Variants in CFAP47 observed in about 807,000 individuals in gnomAD.
CFAP47 encodes the protein cilia and flagella associated protein 47.
In CFAP47, 29 loss-of-function variants were observed where a neutral mutation model predicts 148.1. The observed-to-expected ratio is 0.20, with a 90% CI of 0.15 to 0.27. The LOEUF (loss-of-function observed/expected upper bound fraction) is 0.27. Among genes scored for constraint, CFAP47 ranks in the 10% least tolerant of loss-of-function variants. CFAP47 has a pLI of 1.00. For missense variants in CFAP47, 1,872 were observed against 1,697.5 expected (o/e 1.10, Z -1.81); for synonymous variants, 664 against 577.3 (o/e 1.15, Z -2.15).
At chrX:36,177,774 G>T (rs1939703482) in intron 39 of CFAP47, among the ~76,000 whole-genome samples, 1 of 112,252 alleles carries the variant, frequency 8.9e-6, no homozygotes, top group East Asian at 2.8e-4. Context: ...GCAGTTTGGA[G>T]ATTTCTCAAA....
intron 29 of CFAP47, among the ~76,000 whole-genome samples, chrX:36,075,199 A>ATTTT (rs1227421507): frequency 2.8e-4 from 30 of 105,626 alleles, no homozygotes; most frequent in East Asian, 8.9e-4. Context: ...TATATGTATT[A>ATTTT]TTTTTATTTA....
chrX:36,117,559 A>C (rs1345312908), intron 33 of CFAP47, among the ~76,000 whole-genome samples: 1 of 112,113 alleles, frequency 8.9e-6, no homozygotes, highest in African/African-American at 3.2e-5. Flanking sequence ...AGAAATGCCT[A>C]TTCAAACCTT....
In CFAP47 at chrX:35,966,670, G is replaced by T; in HGVS notation, c.1516G>T (p.Val506Leu). 1 of 1,180,398 alleles carries T rather than the reference G, an allele frequency of 8.5e-7. No homozygotes were observed. Among genetic ancestry groups the T allele is most frequent in the Non-Finnish European group, 1.1e-6 (1 of 877,550 alleles). ...VAEEDLQSLS[V>L]KSFHHVYLAF... is the part of the protein sequence containing the mutation. ...AGAAGAAGATTTGCAATCTTTGTCG[G>T]TAAAATCTTTCCATCACGTATATTT... is the stretch of plus-strand genomic sequence containing the variant. Residue 506 changes from valine to leucine, a missense_variant, in exon 9 of 64, where the codon GTA becomes TTA. By Grantham distance (32) the Val-to-Leu change is conservative (BLOSUM62 1). Transcript: ENST00000378653.
chrX:35,920,160 A>G (rs1935556098), intron 1 of CFAP47, 112 bp downstream of exon 1: 1 of 838,593 alleles, frequency 1.2e-6, no homozygotes, highest in African/African-American at 2.1e-5. Context: ...TGGAGGGAGG[A>G]TTGGGCTTCC....
intron 49 of CFAP47, among the ~76,000 whole-genome samples, chrX:36,265,467 G>A (rs1018914156): frequency 2.3e-4 from 26 of 111,605 alleles, no homozygotes; most frequent in Non-Finnish European, 3.8e-4. Context: ...GTGAGTGGAC[G>A]TCCTTGTCTT....
At chrX:36,372,942 G>T (rs1556022205) in intron 62 of CFAP47, among the ~76,000 whole-genome samples, 1 of 111,599 alleles carries the variant, frequency 9.0e-6, no homozygotes, top group African/African-American at 3.3e-5. Flanking sequence ...TTTTATGACA[G>T]TAATATGCTA....
At chrX:36,328,804 G>A (rs184174265) in intron 57 of CFAP47, among the ~76,000 whole-genome samples, 1,009 of 82,936 alleles carry the variant, frequency 0.012, 20 homozygotes, top group African/African-American at 0.045. Flanking sequence ...GTGACAGAGC[G>A]AGACTCTGTC....
rs781835816 is a variant in CFAP47 at position 36,371,858 on chromosome X, G to A, written c.9185+4731G>A. 5.7e-4 allele frequency among the ~76,000 whole-genome samples: 32 copies of A among 56,089 alleles called. 5 individuals carry two copies. In the African/African-American group the frequency reaches 5.8e-3, roughly 10 times the overall value. The allele number at this position is 56,089 out of a possible 115,157, so 48.7% of individuals were successfully genotyped here. A position where few individuals can be genotyped will look rare whatever the true frequency, so the allele number is the denominator to read the frequency against. On this transcript the variant is annotated intron_variant, in intron 62 of 63. Coordinates refer to ENST00000378653, the MANE Select transcript of CFAP47 (RefSeq NM_001304548.2). ...TGTGTATATGTGTGTATATATGTGT[G>A]CATATACACACATGTGTATATATGT...
At chrX:36,231,959 A>G (rs1356417097) in intron 46 of CFAP47, among the ~76,000 whole-genome samples, 189 of 111,471 alleles carry the variant, frequency 1.7e-3, no homozygotes, top group Non-Finnish European at 3.0e-3. Flanking sequence ...CCCAGGGATG[A>G]AGCCCACTTG....
chrX:36,160,420 C>A (rs771571383), intron 38 of CFAP47, among the ~76,000 whole-genome samples: 2 of 111,151 alleles, frequency 1.8e-5, no homozygotes, highest in East Asian at 5.6e-4. Flanking sequence ...GTTTACTTCC[C>A]CATCTTCCCC....
intron 27 of CFAP47, among the ~76,000 whole-genome samples, chrX:36,069,448 G>T (rs1427122325): frequency 2.7e-5 from 3 of 110,811 alleles, no homozygotes; most frequent in Non-Finnish European, 5.7e-5. Flanking sequence ...ATAAAACCTT[G>T]TTGTTAGATT....
At chrX:36,028,300 T>C (rs1468454818) in intron 22 of CFAP47, among the ~76,000 whole-genome samples, 1 of 111,409 alleles carries the variant, frequency 9.0e-6, no homozygotes, top group Non-Finnish European at 1.9e-5. Context: ...TATATTTAGG[T>C]CTTTAATCCA....
At chrX:35,989,683 A>T in intron 16 of CFAP47, 1 of 820,038 alleles carries the variant, frequency 1.2e-6, no homozygotes, top group Non-Finnish European at 1.6e-6. Context: ...AATATACTTG[A>T]TGGATTAAAA....
intron 48 of CFAP47, among the ~76,000 whole-genome samples, chrX:36,240,543 A>G (rs782291529): frequency 9.0e-6 from 1 of 111,729 alleles, no homozygotes; most frequent in African/African-American, 3.2e-5. Flanking sequence ...AGAAATAATC[A>G]TCAAACTTTA....
chrX:36,138,412 G>A lies in CFAP47; in HGVS notation c.5483G>A (p.Cys1828Tyr). ...PKSPEEYLHN[C>Y]LIIVNTLYEI... ...AGTCCTGAAGAGTATCTGCACAATTGCCTGATTATTGTAAATACTCTTTAT... is the reference window on the plus strand; with the variant it reads ...AGTCCTGAAGAGTATCTGCACAATTACCTGATTATTGTAAATACTCTTTAT... The change falls in exon 35 of 64, where the codon TGC becomes TAC. Residue 1828 changes from cysteine (C) to tyrosine (Y), a missense_variant. Coordinates refer to ENST00000378653, the MANE Select transcript of CFAP47 (RefSeq NM_001304548.2). The A allele has an allele frequency of 8.6e-7, 1 of 1,167,718 alleles. No individual in the cohort carries two copies. The highest frequency in any genetic ancestry group is 2.6e-5 in the Admixed American group (1 of 38,627).
At chrX:36,294,379 A>G (rs1353351604) in intron 51 of CFAP47, among the ~76,000 whole-genome samples, 3 of 84,587 alleles carry the variant, frequency 3.5e-5, no homozygotes, top group Admixed American at 1.2e-4. Flanking sequence ...GAAGACTTCA[A>G]TTGCCATGTG....
chrX:36,176,274 G>A (rs999354678), intron 39 of CFAP47, among the ~76,000 whole-genome samples: 13 of 112,150 alleles, frequency 1.2e-4, no homozygotes, highest in African/African-American at 3.2e-4. Flanking sequence ...CGTCACTCAC[G>A]CTCGGAGCTG....
intron 23 of CFAP47, among the ~76,000 whole-genome samples, 174 bp downstream of exon 23, chrX:36,031,521 G>C (rs181603215): frequency 2.0e-4 from 22 of 109,893 alleles, no homozygotes; most frequent in African/African-American, 7.2e-4. Flanking sequence ...AAAACTTACA[G>C]ATAAAATTTC....
chrX:35,993,787 T>C (rs1936814284), intron 18 of CFAP47, among the ~76,000 whole-genome samples: 1 of 110,897 alleles, frequency 9.0e-6, no homozygotes, highest in South Asian at 3.9e-4. Context: ...GAGAAGAGGG[T>C]TGCTTTTTTC....
Sources: gnomAD v4.1 joint callset for allele counts (sites outside exome capture counted in the v4.1 genomes callset) on GRCh38, gnomAD v4.1.1 for gene constraint, MANE v1.5 for transcripts, NCBI Gene and HGNC (gene_info 2026-07-23, HGNC 2026-07-21) for gene names.